The following PPM1D variants were observed in gnomAD, a reference collection of about 807,000 sequenced individuals.
PPM1D encodes the protein protein phosphatase 1D.
PPM1D carries 52 observed loss-of-function variants against 58.3 expected under a neutral mutation model. That is an observed-to-expected ratio of 0.89 (90% CI 0.71 to 1.12). The LOEUF (loss-of-function observed/expected upper bound fraction) is 1.12, where lower values mean the gene tolerates loss of function less well. PPM1D is among the 50% of genes most tolerant of loss of function. The probability of loss-of-function intolerance (pLI) is 0.00; values close to 1 mark genes in which losing one functional copy is unlikely to be tolerated. For synonymous variants in PPM1D, 278 were observed against 285.1 expected, an observed-to-expected ratio of 0.98 and a Z score of 0.25; for missense variants, 564 against 777.2, an observed-to-expected ratio of 0.73 and a Z score of 3.26.
chr17:60,636,975 T>TA, intron 3 of PPM1D, among the ~76,000 whole-genome samples: 1 of 151,270 alleles, frequency 6.6e-6, no homozygotes, highest in Non-Finnish European at 1.5e-5. Flanking sequence ...TGATTTTTTT[T>TA]TTTTTTTTTT....
chr17:60,602,102 T>C (rs1213363214), intron 1 of PPM1D, among the ~76,000 whole-genome samples: 1 of 152,234 alleles, frequency 6.6e-6, no homozygotes, highest in Non-Finnish European at 1.5e-5. Flanking sequence ...TGCCAAGAGT[T>C]AGTTGATTGA....
rs2031581967 is a variant in PPM1D at position 60,664,251 on chromosome 17, C to T, written c.*699C>T. ...TAGAAGGAAGTGTGTTTGCCTAAAA[C>T]AATCTAAAACAATTCCCTTCTTTTT... is the stretch of plus-strand genomic sequence containing the variant. On this transcript the variant is annotated 3_prime_UTR_variant, in exon 6 of 6. Transcript: ENST00000305921. 1 of 152,524 alleles carries T rather than the reference C, an allele frequency of 6.6e-6. No homozygotes were observed. Among genetic ancestry groups the T allele is most frequent in the Non-Finnish European group, 1.5e-5 (1 of 68,016 alleles). The allele number at this position is 152,524 out of a possible 1,614,324, so 9.4% of individuals were successfully genotyped here.
At chr17:60,620,290 C>T (rs532051596) in intron 1 of PPM1D, among the ~76,000 whole-genome samples, 3 of 152,194 alleles carry the variant, frequency 2.0e-5, no homozygotes, top group African/African-American at 7.2e-5. Context: ...AGCCACCGCG[C>T]CCGGCCTGCC....
rs763912183 is a variant in PPM1D, at chr17:60,623,542, C to T, written c.494C>T (p.Thr165Met). The change falls in exon 2 of 6, where the codon ACG (threonine) becomes ATG (methionine). Residue 165 changes from threonine to methionine, a missense_variant. Thr to Met is a moderately conservative substitution (Grantham distance 81, BLOSUM62 -1). This residue lies in a region of PPM1D where 95 missense variants were observed against 232.6 expected (regional missense o/e 0.41). Coordinates refer to ENST00000305921, the MANE Select transcript of PPM1D (RefSeq NM_003620.4). ...KKLAEWPKTMTGLPSTSGTTA... is the reference protein window; with the variant it reads ...KKLAEWPKTMMGLPSTSGTTA... ...ACAGCGGAATGGCCAAAGACTATGACGGGTCTTCCTAGCACATCAGGGACA... is the reference window on the plus strand; with the variant it reads ...ACAGCGGAATGGCCAAAGACTATGATGGGTCTTCCTAGCACATCAGGGACA... 1.7e-5 allele frequency: 28 copies of T among 1,613,138 alleles called. No homozygotes were observed. Among genetic ancestry groups the T allele is most frequent in the Admixed American group, 1.7e-4 (10 of 59,950 alleles).
intron 4 of PPM1D, 86 bp from the exon 5 acceptor site, chr17:60,656,513 C>A: frequency 2.0e-6 from 3 of 1,480,268 alleles, no homozygotes; most frequent in Non-Finnish European, 1.8e-6. Context: ...CCACAGCGAA[C>A]ACCAAATATT....
At chr17:60,649,410 C>A (rs78659387) in intron 4 of PPM1D, among the ~76,000 whole-genome samples, 1 of 151,418 alleles carries the variant, frequency 6.6e-6, no homozygotes, top group East Asian at 2.0e-4. Context: ...CCATTCATTC[C>A]GGGCGCAGTA....
At chr17:60,605,899 T>A (rs1286780627) in intron 1 of PPM1D, among the ~76,000 whole-genome samples, 1 of 152,216 alleles carries the variant, frequency 6.6e-6, no homozygotes, top group East Asian at 1.9e-4. Flanking sequence ...CGCGAGACTC[T>A]GTCTCATAAA....
intron 1 of PPM1D, among the ~76,000 whole-genome samples, chr17:60,610,078 G>T (rs555928268): frequency 2.0e-5 from 3 of 151,818 alleles, no homozygotes; most frequent in Non-Finnish European, 4.4e-5. Flanking sequence ...TACTCAGGCG[G>T]CTGAGGCAGG....
chr17:60,621,238 A>G (rs900464487), intron 1 of PPM1D, among the ~76,000 whole-genome samples: 2 of 152,274 alleles, frequency 1.3e-5, no homozygotes, highest in Admixed American at 6.5e-5. Context: ...TATGCTTTCA[A>G]TGTATTTCTT....
At chr17:60,632,199 C>CAA (rs538500335) in intron 2 of PPM1D, among the ~76,000 whole-genome samples, 4 of 140,084 alleles carry the variant, frequency 2.9e-5, no homozygotes, top group South Asian at 4.5e-4. Flanking sequence ...GTCTCAAAAA[C>CAA]AAAAAAAAAA....
intron 3 of PPM1D, among the ~76,000 whole-genome samples, chr17:60,645,718 A>G (rs1277643848): frequency 1.3e-5 from 2 of 149,042 alleles, no homozygotes; most frequent in Admixed American, 1.4e-4. Flanking sequence ...CTCCAGAAAG[A>G]TAAGAACATA....
chr17:60,613,890 G>GCCCCCCC (rs61669650), intron 1 of PPM1D, among the ~76,000 whole-genome samples: 3 of 137,366 alleles, frequency 2.2e-5, no homozygotes, highest in Admixed American at 7.0e-5. Flanking sequence ...CATACCTGAG[G>GCCCCCCC]CCCCCCCCCC....
At chr17:60,621,859 C>T (rs2030710610) in intron 1 of PPM1D, among the ~76,000 whole-genome samples, 1 of 147,528 alleles carries the variant, frequency 6.8e-6, no homozygotes, top group African/African-American at 2.5e-5. Flanking sequence ...CGTGAGCCAC[C>T]ACTCCCAGCG....
At chr17:60,656,939 G>A in intron 5 of PPM1D, 98 bp downstream of exon 5, 1 of 1,599,706 alleles carries the variant, frequency 6.3e-7, no homozygotes, top group Non-Finnish European at 8.5e-7. Context: ...CAGGATTTTG[G>A]ATTTGAACTC....
chr17:60,621,112 G>C (rs554296476), intron 1 of PPM1D, among the ~76,000 whole-genome samples: 239 of 151,244 alleles, frequency 1.6e-3, no homozygotes, highest in African/African-American at 5.6e-3. Context: ...CAGTAGAGAT[G>C]GGGTTTCATC....
intron 4 of PPM1D, among the ~76,000 whole-genome samples, chr17:60,650,820 A>G (rs2031329968): frequency 6.6e-6 from 1 of 151,612 alleles, no homozygotes; most frequent in Non-Finnish European, 1.5e-5. Flanking sequence ...GAGGGGTGGC[A>G]TGCTCCTATA....
chr17:60,624,434 T>G (rs970650430), intron 2 of PPM1D, among the ~76,000 whole-genome samples: 1 of 152,224 alleles, frequency 6.6e-6, no homozygotes, highest in African/African-American at 2.4e-5. Context: ...ACTTGCCTCT[T>G]TTTTGCTTTT....
At chr17:60,660,004 G>A (rs2031500650) in intron 5 of PPM1D, among the ~76,000 whole-genome samples, 1 of 152,164 alleles carries the variant, frequency 6.6e-6, no homozygotes, top group Non-Finnish European at 1.5e-5. Flanking sequence ...AAGGTCAGGA[G>A]TTCGAGGCCA....
intron 2 of PPM1D, among the ~76,000 whole-genome samples, chr17:60,625,316 A>G (rs1046439669): frequency 6.6e-6 from 1 of 152,244 alleles, no homozygotes; most frequent in African/African-American, 2.4e-5. Context: ...AGATTAGGAA[A>G]GATAAAGAGA....
Sources: gnomAD v4.1 joint callset for allele counts (sites outside exome capture counted in the v4.1 genomes callset) on GRCh38, gnomAD v4.1.1 for gene constraint, gnomAD v4.1.1 regional missense constraint, MANE v1.5 for transcripts, NCBI Gene and HGNC (gene_info 2026-07-23, HGNC 2026-07-21) for gene names.